HERC2: variants seen among roughly 807,000 people sequenced by gnomAD.
HERC2 encodes HECT and RLD domain containing E3 ubiquitin protein ligase 2, also known as E3 ubiquitin-protein ligase HERC2.
A neutral mutation model predicts 537.7 loss-of-function variants in HERC2; 102 were observed. The ratio of observed to expected loss-of-function variants is 0.19; its 90% CI spans 0.16 to 0.22. HERC2 has a LOEUF of 0.22. HERC2 is among the 10% of genes least tolerant of loss of function. HERC2 has a pLI of 1.00. For missense variants in HERC2, 4,236 were observed against 6,198.2 expected (o/e 0.68, Z 10.63); for synonymous variants, 2,224 against 2,466.2 (o/e 0.90, Z 2.91).
chr15:28,240,780 G>A (rs533644683), intron 23 of HERC2, among the ~76,000 whole-genome samples: 8 of 152,324 alleles, frequency 5.3e-5, no homozygotes, highest in Admixed American at 4.6e-4. Flanking sequence ...TGGGAGCCAA[G>A]ACCACTCAAT....
intron 5 of HERC2, among the ~76,000 whole-genome samples, chr15:28,276,200 A>C (rs995588890): frequency 2.1e-4 from 31 of 147,166 alleles, no homozygotes; most frequent in South Asian, 6.3e-4. Context: ...AACAAAAAAA[A>C]AAAAAAAAAA....
intron 23 of HERC2, among the ~76,000 whole-genome samples, chr15:28,245,562 T>TACACAC (rs1444542968): frequency 6.4e-5 from 4 of 62,904 alleles, no homozygotes; most frequent in African/African-American, 1.6e-4. Context: ...AAAAAAAAAA[T>TACACAC]ATATACACAC....
chr15:28,116,705 G>A lies in HERC2; in HGVS notation c.13569C>T (p.Ala4523=), dbSNP rs747326443. 24 of 1,613,484 alleles carry A rather than the reference G, an allele frequency of 1.5e-5. No individual in the cohort carries two copies. The highest frequency in any genetic ancestry group is 6.7e-5 in the East Asian group (3 of 44,882). ...TGCTGCTGTGCACGGGTGCTCTGGCGGCCGGGCTGAGCAGGTAGCAGTCTC... is the reference window on the plus strand; with the variant it reads ...TGCTGCTGTGCACGGGTGCTCTGGCAGCCGGGCTGAGCAGGTAGCAGTCTC... The part of the protein sequence containing the change: ...ANRDCYLLSP[A]ARAPVHSSMF... The change falls in exon 88 of 93, where the codon GCC becomes GCT. Residue 4523 remains alanine, a synonymous_variant. Transcript: ENST00000261609.
intron 30 of HERC2, 23 bp from the exon 31 acceptor site, chr15:28,230,523 C>G: frequency 1.8e-6 from 2 of 1,124,188 alleles, no homozygotes; most frequent in South Asian, 2.6e-5. Flanking sequence ...ACATCATTCA[C>G]TATAAAAATC....
chr15:28,132,469 G>A (rs1890207702), intron 80 of HERC2, among the ~76,000 whole-genome samples, 184 bp downstream of exon 80: 1 of 152,226 alleles, frequency 6.6e-6, no homozygotes, highest in Admixed American at 6.5e-5. Context: ...GGAGGTATCA[G>A]CGTCTTTGAT....
intron 3 of HERC2, among the ~76,000 whole-genome samples, chr15:28,295,306 TG>T (rs1224305541): frequency 0.062 from 53 of 852 alleles, no homozygotes; most frequent in East Asian, 0.36. Flanking sequence ...CCTACATGTG[TG>T]TGGGGGGGGG....
chr15:28,240,644 A>G (rs890329359), intron 23 of HERC2, among the ~76,000 whole-genome samples: 1 of 152,226 alleles, frequency 6.6e-6, no homozygotes, highest in African/African-American at 2.4e-5. Context: ...TAGCAGATTA[A>G]ACCCTAAGAA....
intron 69 of HERC2, among the ~76,000 whole-genome samples, chr15:28,160,173 G>C (rs747823062): frequency 1.4e-4 from 21 of 152,150 alleles, no homozygotes; most frequent in Non-Finnish European, 2.8e-4. Flanking sequence ...TAGGCTACTC[G>C]GGGGTCAGGG....
chr15:28,230,357 A>G lies in HERC2; in HGVS notation c.4809+10T>C. ...TTCAGCCAACCTCAGAATCACAGAAAATACTGCACCTTGGGTGATTTAATT... is the reference window on the plus strand; with the variant it reads ...TTCAGCCAACCTCAGAATCACAGAAGATACTGCACCTTGGGTGATTTAATT... On this transcript the variant is annotated intron_variant, in intron 31 of 92. Coordinates refer to ENST00000261609, the MANE Select transcript of HERC2 (RefSeq NM_004667.6). 1 of 1,585,436 alleles carries G rather than the reference A, an allele frequency of 6.3e-7. No individual in the cohort carries two copies. The highest frequency in any genetic ancestry group is 8.5e-7 in the Non-Finnish European group (1 of 1,170,726).
At chr15:28,178,858 G>A (rs768821165) in intron 59 of HERC2, 29 bp downstream of exon 59, 30 of 1,603,744 alleles carry the variant, frequency 1.9e-5, no homozygotes, top group Middle Eastern at 1.7e-4. Context: ...AGGCCGCCCC[G>A]CACAGGCCTC....
Position 28,198,734 on chromosome 15 carries a change from T to C in HERC2, c.7752A>G (p.Glu2584=), listed in dbSNP as rs767905277. The C allele has an allele frequency of 2.2e-5, 36 of 1,613,786 alleles. No individual in the cohort carries two copies. In the Admixed American group the frequency reaches 2.5e-4, roughly 11 times the overall value. The change falls in exon 49 of 93, where the codon GAA becomes GAG. Residue 2584 remains glutamate, a synonymous_variant. Coordinates refer to ENST00000261609, the MANE Select transcript of HERC2 (RefSeq NM_004667.6). ...TGCCAACATCACCTTCGCACACTTC[T>C]TCATACGCTCGGCAGCATCTAACCA... ...GMMVRCCRAY[E]EVCEGDVGKV...
chr15:28,159,248 G>T (rs143285731), intron 69 of HERC2, among the ~76,000 whole-genome samples: 26 of 152,210 alleles, frequency 1.7e-4, no homozygotes, highest in Non-Finnish European at 3.2e-4. Context: ...TATCTTTGTG[G>T]CATTCTCTGT....
At chr15:28,199,013 G>A (rs1567001131) in intron 48 of HERC2, among the ~76,000 whole-genome samples, 1 of 151,964 alleles carries the variant, frequency 6.6e-6, no homozygotes, top group Admixed American at 6.5e-5. Flanking sequence ...CAGACGTGGC[G>A]GTGCATGCCT....
At chr15:28,192,266 T>C (rs922903234) in intron 52 of HERC2, 115 bp from the exon 53 acceptor site, 4 of 881,426 alleles carry the variant, frequency 4.5e-6, no homozygotes, top group East Asian at 2.6e-5. Context: ...AGTTTCAAAC[T>C]GAAAGGAGTT....
intron 86 of HERC2, among the ~76,000 whole-genome samples, chr15:28,120,792 G>A (rs1396940514): frequency 2.6e-5 from 4 of 152,184 alleles, no homozygotes; most frequent in Non-Finnish European, 4.4e-5. Flanking sequence ...AGGGGTGACC[G>A]AAGATACACC....
At chr15:28,269,117 A>C in intron 11 of HERC2, 131 bp downstream of exon 11, 1 of 677,164 alleles carries the variant, frequency 1.5e-6, no homozygotes, top group Non-Finnish European at 2.4e-6. Context: ...ATTAAACATA[A>C]TATACAATAA....
At chr15:28,201,585 A>C in intron 47 of HERC2, 31 bp from the exon 48 acceptor site, 2 of 1,347,006 alleles carry the variant, frequency 1.5e-6, no homozygotes, top group Non-Finnish European at 2.1e-6. Context: ...CAAACAAAAA[A>C]ACAGGAGAAC....
At chr15:28,284,993 T>C (rs1441959129) in intron 4 of HERC2, among the ~76,000 whole-genome samples, 1 of 149,362 alleles carries the variant, frequency 6.7e-6, no homozygotes, top group African/African-American at 2.5e-5. Context: ...AATGAGAACT[T>C]GGTCAATCCA....
At chr15:28,254,210 G>A in intron 20 of HERC2, 130 bp downstream of exon 20, 2 of 602,018 alleles carry the variant, frequency 3.3e-6, no homozygotes, top group South Asian at 2.2e-5. Context: ...TTGAACCTGG[G>A]AGGCGGAGCT....
Sources: allele counts gnomAD v4.1 joint callset (sites outside exome capture counted in the v4.1 genomes callset), GRCh38; gene constraint gnomAD v4.1.1; transcripts MANE v1.5; gene names NCBI Gene and HGNC (gene_info 2026-07-23, HGNC 2026-07-21).